Variants in TMEM91 observed in about 807,000 individuals in gnomAD.
TMEM91 encodes the protein transmembrane protein 91, also known as dispanin subfamily C member 3.
In TMEM91, 6 loss-of-function variants were observed where a neutral mutation model predicts 13.3. The ratio of observed to expected loss-of-function variants is 0.45; its 90% CI spans 0.25 to 0.89. The LOEUF (loss-of-function observed/expected upper bound fraction) is 0.89, where lower values mean the gene tolerates loss of function less well. TMEM91 is among the 40% of genes least tolerant of loss of function. The pLI is 0.19. For missense variants in TMEM91, 193 were observed against 228.7 expected, an observed-to-expected ratio of 0.84 and a Z score of 1.01; for synonymous variants, 87 against 101.7, an observed-to-expected ratio of 0.86 and a Z score of 0.87.
At chr19:41,369,721 T>TCACTTGAA (rs1252466219) in intron 1 of TMEM91, among the ~76,000 whole-genome samples, 1 of 150,820 alleles carries the variant, frequency 6.6e-6, no homozygotes, top group Non-Finnish European at 1.5e-5. Context: ...GGCACGAGAA[T>TCACTTGAA]CACTTGAACC....
At chr19:41,364,662 C>T (rs1178073985) in intron 1 of TMEM91, among the ~76,000 whole-genome samples, 1 of 152,060 alleles carries the variant, frequency 6.6e-6, no homozygotes, top group African/African-American at 2.4e-5. Flanking sequence ...TTGGATAAGT[C>T]CAACTTCCTT....
chr19:41,371,958 A>G (rs922733408), upstream of TMEM91, among the ~76,000 whole-genome samples: 3 of 150,936 alleles, frequency 2.0e-5, no homozygotes, highest in Admixed American at 2.0e-4. Context: ...TCCTGGACTC[A>G]AGTGATCCTC....
upstream of TMEM91, chr19:41,374,469 CTTTT>C (rs1032423813): frequency 3.3e-5 from 5 of 152,146 alleles, no homozygotes; most frequent in African/African-American, 1.2e-4. Flanking sequence ...GATATCTGTT[CTTTT>C]TATTTTTTAT....
chr19:41,380,205 C>T (rs971305944), intron 2 of TMEM91, among the ~76,000 whole-genome samples: 4 of 152,038 alleles, frequency 2.6e-5, no homozygotes, highest in African/African-American at 9.7e-5. Context: ...AGTCTTAGGG[C>T]TTCTATGTGG....
intron 1 of TMEM91, among the ~76,000 whole-genome samples, chr19:41,371,311 CTCCTTCCT>C (rs34140170): frequency 0.037 from 4,139 of 111,960 alleles, 108 homozygotes; most frequent in East Asian, 0.082. Context: ...CCACTATCCT[CTCCTTCCT>C]TCCTTCCTTC....
intron 1 of TMEM91, among the ~76,000 whole-genome samples, chr19:41,370,999 G>A (rs2038607630): frequency 1.3e-5 from 2 of 151,212 alleles, no homozygotes; most frequent in African/African-American, 4.9e-5. Flanking sequence ...TACCGTGTCT[G>A]GCCTGTTTTT....
rs550107291 is a variant in TMEM91 at position 41,369,666 on chromosome 19, A to G, written c.-30+5571A>G. On this transcript the variant is annotated intron_variant, in intron 1 of 3. Coordinates refer to the TMEM91 transcript ENST00000413014. ...CTAAAACTACAAAAAAAATCAGCTG[A>G]ACGTGGTGGCGAGCGCCTGTAGTCC... Among the ~76,000 whole-genome samples, 6 of 151,504 alleles carry G rather than the reference A, an allele frequency of 4.0e-5. No individual in the cohort carries two copies. In the South Asian group the frequency reaches 1.3e-3, roughly 32 times the overall value.
At chr19:41,381,951 C>T (rs1187382935) in intron 2 of TMEM91, among the ~76,000 whole-genome samples, 1 of 152,046 alleles carries the variant, frequency 6.6e-6, no homozygotes, top group African/African-American at 2.4e-5. Context: ...CTGCAACCTC[C>T]ACATCCTGGG....
chr19:41,383,490 T>G, intron 3 of TMEM91: 1 of 1,423,452 alleles, frequency 7.0e-7, no homozygotes, highest in African/African-American at 1.4e-5. Context: ...ATTTTAATGT[T>G]TTTATTTATT....
At chr19:41,374,335 G>A (rs1210732922), upstream of TMEM91, 1 of 152,238 alleles carries the variant, frequency 6.6e-6, no homozygotes, top group Non-Finnish European at 1.5e-5. Flanking sequence ...GAAGGAGGTG[G>A]AAGCTTGCAA....
At chr19:41,374,837 G>A (rs1024961486), upstream of TMEM91, among the ~76,000 whole-genome samples, 1 of 152,108 alleles carries the variant, frequency 6.6e-6, no homozygotes, top group Non-Finnish European at 1.5e-5. Context: ...TACAAAATTA[G>A]CCAGGTGTGA....
intron 1 of TMEM91, among the ~76,000 whole-genome samples, chr19:41,370,008 A>G (rs1257770059): frequency 1.3e-5 from 2 of 151,620 alleles, no homozygotes. Context: ...CAACTCCCCT[A>G]TTCCCCCCTC....
chr19:41,370,431 G>C (rs1402062632), intron 1 of TMEM91, among the ~76,000 whole-genome samples: 3 of 66,416 alleles, frequency 4.5e-5, no homozygotes, highest in Non-Finnish European at 6.8e-5. Flanking sequence ...ATTTGAGACA[G>C]AGTCTTGCTC....
At chr19:41,379,384 AT>A (rs1395560326) in intron 2 of TMEM91, among the ~76,000 whole-genome samples, 4 of 149,660 alleles carry the variant, frequency 2.7e-5, no homozygotes, top group South Asian at 2.1e-4. Context: ...AAAAAAAAAA[AT>A]TAGCCAGGTG....
upstream of TMEM91, chr19:41,363,949 C>T: frequency 3.0e-6 from 1 of 329,658 alleles, no homozygotes. Flanking sequence ...GCGCATGCGT[C>T]ATTCCTACCT....
rs371034770 is a variant in TMEM91, at chr19:41,383,718, A to G, written c.364A>G (p.Asn122Asp). The G allele has an allele frequency of 4.3e-6, 7 of 1,611,664 alleles. No individual in the cohort carries two copies. In the African/African-American group the frequency reaches 9.4e-5, roughly 22 times the overall value. Reference sequence around the variant, plus strand: ...CTGCTGCCCACTGCCTCTACAGACCAACAAGGCTTGGGCCAAGGGGGACAT... The same window carrying G: ...CTGCTGCCCACTGCCTCTACAGACCGACAAGGCTTGGGCCAAGGGGGACAT... ...IAAFCLAQKT[N>D]KAWAKGDIQG... Residue 122 changes from asparagine (N) to aspartate (D), a missense_variant, in exon 4 of 4, where the codon AAC (asparagine) becomes GAC (aspartate). By Grantham distance (23) the Asn-to-Asp change is conservative. Coordinates refer to ENST00000392002, the MANE Select transcript of TMEM91 (RefSeq NM_001098821.2).
chr19:41,383,478 C>T (rs931257732), intron 3 of TMEM91: 6 of 1,388,674 alleles, frequency 4.3e-6, no homozygotes, highest in Middle Eastern at 5.3e-4. Flanking sequence ...GTGGCATATA[C>T]CATTTTAATG....
At chr19:41,376,004 C>G (rs1199725654), upstream of TMEM91, among the ~76,000 whole-genome samples, 1 of 151,854 alleles carries the variant, frequency 6.6e-6, no homozygotes, top group Non-Finnish European at 1.5e-5. Context: ...CCTGTAATCC[C>G]AGCTACTCGG....
At chr19:41,370,153 A>G (rs747751448) in intron 1 of TMEM91, among the ~76,000 whole-genome samples, 5 of 151,450 alleles carry the variant, frequency 3.3e-5, no homozygotes, top group East Asian at 1.9e-4. Flanking sequence ...TCTCAGCTCA[A>G]CGCAACCTCT....
Sources: allele counts gnomAD v4.1 joint callset (sites outside exome capture counted in the v4.1 genomes callset), GRCh38; gene constraint gnomAD v4.1.1; transcripts MANE v1.5; gene names NCBI Gene and HGNC (gene_info 2026-07-23, HGNC 2026-07-21).